Variants in RNF150 observed in about 807,000 individuals in gnomAD.
RNF150 encodes the protein ring finger protein 150.
Under a neutral mutation model 39.3 loss-of-function variants are expected in RNF150, and 24 were observed. The observed-to-expected ratio is 0.61, with a 90% CI of 0.44 to 0.86. The LOEUF is 0.86. Among genes scored for constraint, RNF150 ranks in the 40% least tolerant of loss-of-function variants. RNF150 has a pLI of 0.00. For synonymous variants in RNF150, 255 were observed against 227.3 expected (o/e 1.12, Z -1.10); for missense variants, 502 against 587.8 (o/e 0.85, Z 1.51).
At chr4:141,026,327 G>A (rs914010623) in intron 1 of RNF150, among the ~76,000 whole-genome samples, 1 of 152,180 alleles carries the variant, frequency 6.6e-6, no homozygotes, top group Non-Finnish European at 1.5e-5. Context: ...GTATATATTG[G>A]AGAGAATGAT....
intron 1 of RNF150, among the ~76,000 whole-genome samples, chr4:141,053,927 T>C (rs1029781526): frequency 7.2e-5 from 11 of 152,148 alleles, no homozygotes; most frequent in African/African-American, 1.9e-4. Flanking sequence ...TGTGAGAGAA[T>C]TGAGATGTCC....
intron 1 of RNF150, among the ~76,000 whole-genome samples, chr4:141,066,974 A>G (rs1737486427): frequency 6.6e-6 from 1 of 152,188 alleles, no homozygotes; most frequent in Non-Finnish European, 1.5e-5. Flanking sequence ...ACCAACCTGT[A>G]TAACATGTTA....
At chr4:140,917,999 C>T (rs1200129194) in intron 5 of RNF150, among the ~76,000 whole-genome samples, 2 of 151,400 alleles carry the variant, frequency 1.3e-5, no homozygotes, top group Non-Finnish European at 2.9e-5. Flanking sequence ...CCAACGAGAA[C>T]AAAGACACAA....
chr4:141,096,587 C>T (rs1210710293), intron 1 of RNF150, among the ~76,000 whole-genome samples: 1 of 152,108 alleles, frequency 6.6e-6, no homozygotes, highest in Non-Finnish European at 1.5e-5. Flanking sequence ...GAAGGATGAA[C>T]ATGTTTATAC....
At chr4:140,989,317 A>G (rs182347033) in intron 1 of RNF150, among the ~76,000 whole-genome samples, 1 of 151,782 alleles carries the variant, frequency 6.6e-6, no homozygotes, top group East Asian at 1.9e-4. Flanking sequence ...TGCTCATTCA[A>G]AAAAAAAGTA....
At chr4:140,924,415 C>T (rs566224459) in intron 5 of RNF150, among the ~76,000 whole-genome samples, 10 of 152,268 alleles carry the variant, frequency 6.6e-5, no homozygotes, top group Middle Eastern at 3.4e-3. Flanking sequence ...CAAAATTGAA[C>T]GATGGATGCT....
intron 1 of RNF150, among the ~76,000 whole-genome samples, chr4:141,187,583 T>A (rs897928796): frequency 3.9e-5 from 6 of 152,250 alleles, no homozygotes; most frequent in Non-Finnish European, 4.4e-5. Flanking sequence ...TCTTGTTGCA[T>A]TGATCCCTTT....
intron 1 of RNF150, among the ~76,000 whole-genome samples, chr4:141,013,120 A>T (rs1004179087): frequency 2.0e-5 from 3 of 152,198 alleles, no homozygotes; most frequent in Non-Finnish European, 4.4e-5. Context: ...TTTTACAAAA[A>T]GTTGTTAAAT....
intron 1 of RNF150, among the ~76,000 whole-genome samples, chr4:141,019,259 A>C (rs889424318): frequency 6.6e-6 from 1 of 151,876 alleles, no homozygotes; most frequent in African/African-American, 2.4e-5. Flanking sequence ...TCTAGAATAA[A>C]AAGATCCAAG....
At chr4:141,166,794 C>T (rs1727612848) in intron 1 of RNF150, among the ~76,000 whole-genome samples, 1 of 152,090 alleles carries the variant, frequency 6.6e-6, no homozygotes, top group African/African-American at 2.4e-5. Flanking sequence ...GAAAATATCT[C>T]AAAATAAGGA....
chr4:141,198,391 G>T (rs1728239903), intron 1 of RNF150, among the ~76,000 whole-genome samples: 1 of 152,094 alleles, frequency 6.6e-6, no homozygotes, highest in Non-Finnish European at 1.5e-5. Flanking sequence ...AGATTTTTCA[G>T]TTATGTCTGT....
chr4:140,978,746 G>A (rs557194903), intron 1 of RNF150, among the ~76,000 whole-genome samples: 1 of 152,144 alleles, frequency 6.6e-6, no homozygotes, highest in South Asian at 2.1e-4. Flanking sequence ...TTCACCTGTA[G>A]GGTTTTCTTA....
At chr4:141,175,430 A>G (rs1160800321) in intron 1 of RNF150, among the ~76,000 whole-genome samples, 1 of 152,240 alleles carries the variant, frequency 6.6e-6, no homozygotes, top group Non-Finnish European at 1.5e-5. Context: ...ATGACAAGAT[A>G]ATTTCAGATA....
intron 1 of RNF150, among the ~76,000 whole-genome samples, chr4:141,062,902 C>G (rs958644462): frequency 6.6e-6 from 1 of 152,124 alleles, no homozygotes; most frequent in Admixed American, 6.6e-5. Flanking sequence ...CAGTGCTTAG[C>G]TCCCACTTAT....
At chr4:141,057,094 T>C (rs1419428197) in intron 1 of RNF150, among the ~76,000 whole-genome samples, 1 of 152,122 alleles carries the variant, frequency 6.6e-6, no homozygotes, top group African/African-American at 2.4e-5. Flanking sequence ...AACTATCTGA[T>C]AAGAACTTGT....
chr4:140,960,354 T>C (rs1047064605), intron 2 of RNF150, among the ~76,000 whole-genome samples: 1 of 152,198 alleles, frequency 6.6e-6, no homozygotes, highest in Admixed American at 6.6e-5. Context: ...AGCTCCCAGC[T>C]AGAACTCCTA....
chr4:140,933,860 A>C (rs1313876365), intron 4 of RNF150, among the ~76,000 whole-genome samples: 1 of 152,166 alleles, frequency 6.6e-6, no homozygotes, highest in Non-Finnish European at 1.5e-5. Context: ...GTGTTGATTA[A>C]GTCAAGTAAG....
intron 1 of RNF150, among the ~76,000 whole-genome samples, chr4:141,146,751 C>T (rs923516871): frequency 2.0e-5 from 3 of 152,246 alleles, no homozygotes; most frequent in African/African-American, 7.2e-5. Flanking sequence ...TTGCTGGACC[C>T]ATCTTGTAGG....
chr4:140,893,344 T>C (rs1399149576), intron 6 of RNF150, among the ~76,000 whole-genome samples: 1 of 152,122 alleles, frequency 6.6e-6, no homozygotes, highest in East Asian at 1.9e-4. Context: ...AATAAATAAA[T>C]GGGAAAATCT....
Sources: gnomAD v4.1 joint callset for allele counts (sites outside exome capture counted in the v4.1 genomes callset) on GRCh38, gnomAD v4.1.1 for gene constraint, MANE v1.5 for transcripts, NCBI Gene and HGNC (gene_info 2026-07-23, HGNC 2026-07-21) for gene names.